Variants in ACVR2B observed in about 807,000 individuals in gnomAD.
The protein encoded by ACVR2B is activin A receptor type 2B.
A neutral mutation model predicts 65.1 loss-of-function variants in ACVR2B; 18 were observed. The observed-to-expected ratio is 0.28, with a 90% CI of 0.19 to 0.41. The LOEUF is 0.41. ACVR2B is among the 10% of genes least tolerant of loss of function. The pLI is 1.00. For missense variants in ACVR2B, 482 were observed against 682.7 expected, an observed-to-expected ratio of 0.71 and a Z score of 3.28; for synonymous variants, 298 against 277.7, an observed-to-expected ratio of 1.07 and a Z score of -0.73.
chr3:38,462,290 C>T (rs150210229), intron 1 of ACVR2B, among the ~76,000 whole-genome samples: 39 of 152,240 alleles, frequency 2.6e-4, no homozygotes, highest in African/African-American at 9.2e-4. Context: ...AAGTATAAAA[C>T]ATATACAGAA....
chr3:38,488,967 A>G lies in ACVR2B; in HGVS notation c.*5635A>G, dbSNP rs1710167613. 1 of 152,234 alleles carries G rather than the reference A, an allele frequency of 6.6e-6. No individual in the cohort carries two copies. The highest frequency in any genetic ancestry group is 2.4e-5 in the African/African-American group (1 of 41,460). 9.4% of individuals were successfully genotyped at this position (152,234 alleles called of 1,614,324 possible). On this transcript the variant is annotated 3_prime_UTR_variant, in exon 11 of 11. Coordinates refer to ENST00000352511, the MANE Select transcript of ACVR2B (RefSeq NM_001106.4). ...GGAAGGGGTTATATAAACCTGGGCT[A>G]TGCTGGACATCTACAGAAGAGTATT...
intron 10 of ACVR2B, 31 bp downstream of exon 10, chr3:38,482,591 G>T (rs142291277): frequency 3.7e-6 from 6 of 1,604,572 alleles, no homozygotes; most frequent in South Asian, 2.2e-5. Flanking sequence ...AACTTTGCAG[G>T]GGGGTGGAGA....
intron 1 of ACVR2B, chr3:38,473,877 G>A (rs1709862394): frequency 6.6e-6 from 1 of 152,424 alleles, no homozygotes; most frequent in Non-Finnish European, 1.5e-5. Context: ...CTGGTCAGAT[G>A]GGGGTCAGGT....
rs2059824196 is a variant in ACVR2B, at chr3:38,492,809, C to T, written c.*9477C>T. 1 of 123,466 alleles carries T rather than the reference C, an allele frequency of 8.1e-6. No homozygotes were observed. Among genetic ancestry groups the T allele is most frequent in the East Asian group, 2.6e-4 (1 of 3,842 alleles). The allele number at this position is 123,466 out of a possible 1,614,324, so 7.6% of individuals were successfully genotyped here. On this transcript the variant is annotated 3_prime_UTR_variant, in exon 11 of 11. Transcript: ENST00000352511. ...ACACACACACACACACACACATACA[C>T]CTAAAATGGCCTAAAGCAGACATCC...
chr3:38,470,998 A>T (rs1157470606), intron 1 of ACVR2B, among the ~76,000 whole-genome samples: 1 of 152,188 alleles, frequency 6.6e-6, no homozygotes, highest in Admixed American at 6.5e-5. Flanking sequence ...TAATTAAAAG[A>T]TGGTGTTAGA....
rs2059815950 is a variant in ACVR2B at position 38,492,268 on chromosome 3, T to C, written c.*8936T>C. 1 of 152,638 alleles carries C rather than the reference T, an allele frequency of 6.6e-6. No individual in the cohort carries two copies. Among genetic ancestry groups the C allele is most frequent in the South Asian group, 2.1e-4 (1 of 4,834 alleles). The allele number at this position is 152,638 out of a possible 1,614,324, so 9.5% of individuals were successfully genotyped here. A position where few individuals can be genotyped will look rare whatever the true frequency, so the allele number is the denominator to read the frequency against. On this transcript the variant is annotated 3_prime_UTR_variant, in exon 11 of 11. Coordinates refer to ENST00000352511, the MANE Select transcript of ACVR2B (RefSeq NM_001106.4). The stretch of plus-strand genomic sequence containing the variant: ...AAACCCTAAGACTTGTCTAACTTAG[T>C]GGAGAATGTGTGTGTTGGGCTTAGG...
chr3:38,455,354 G>T (rs1179479655), intron 1 of ACVR2B, among the ~76,000 whole-genome samples: 2 of 152,148 alleles, frequency 1.3e-5, no homozygotes, highest in Non-Finnish European at 2.9e-5. Context: ...CGGGGCGGCT[G>T]GTACCCGGCC....
In ACVR2B at chr3:38,454,210, C is replaced by T; in HGVS notation, c.-113C>T. ...GCAGGAAGCGCGCAGGGAACGAGAC[C>T]GAAGGAAGGAGCGGGAAGGAGAGCG... On this transcript the variant is annotated 5_prime_UTR_variant, in exon 1 of 11. Coordinates refer to ENST00000352511, the MANE Select transcript of ACVR2B (RefSeq NM_001106.4). 2 of 797,520 alleles carry T rather than the reference C, an allele frequency of 2.5e-6. No homozygotes were observed. The highest frequency in any genetic ancestry group is 4.6e-5 in the South Asian group (1 of 21,872). 49.4% of individuals were successfully genotyped at this position (797,520 alleles called of 1,614,324 possible).
In ACVR2B at chr3:38,483,048, T is replaced by C; in HGVS notation, c.1345-90T>C. 4 of 1,478,704 alleles carry C rather than the reference T, an allele frequency of 2.7e-6. No individual in the cohort carries two copies. The Admixed American group carries it at 5.0e-5, about 19-fold the overall frequency. 91.6% of individuals were successfully genotyped at this position (1,478,704 alleles called of 1,614,324 possible). A position where few individuals can be genotyped will look rare whatever the true frequency, so the allele number is the denominator to read the frequency against. ...GGGCTGGTGGGCTCTGCCTGATCCT[T>C]GGGAATATCAAGTTTACTGTCCCCC... is the stretch of plus-strand genomic sequence containing the variant. On this transcript the variant is annotated intron_variant, in intron 10 of 10. Transcript: ENST00000352511. This position sits in a 1 kb window ranked among gnomAD's most constrained non-coding sequence, Gnocchi z 4.8.
intron 1 of ACVR2B, among the ~76,000 whole-genome samples, chr3:38,469,434 C>T (rs1484443658): frequency 6.6e-6 from 1 of 152,080 alleles, no homozygotes; most frequent in Non-Finnish European, 1.5e-5. Flanking sequence ...TTGTGTTATA[C>T]CTTCAGTAAA....
chr3:38,479,633 C>G (rs748180685), intron 6 of ACVR2B, 45 bp from the exon 7 acceptor site: 6 of 1,611,732 alleles, frequency 3.7e-6, no homozygotes, highest in Admixed American at 1.7e-5. Flanking sequence ...GGGTCCTGTC[C>G]TGTACCCAGA....
In ACVR2B at chr3:38,457,077, G is replaced by T. The variant is rs187509537; in HGVS notation, c.52+2703G>T. On this transcript the variant is annotated intron_variant, in intron 1 of 10. Coordinates refer to ENST00000352511, the MANE Select transcript of ACVR2B (RefSeq NM_001106.4). ...AAATTAGCTGGGTGTGGTGGCACAC[G>T]CCTGTAGTCCCAGCTGCGCCAGAGG... 2.6e-5 allele frequency among the ~76,000 whole-genome samples: 4 copies of T among 152,238 alleles called. No homozygotes were observed. In the East Asian group the frequency reaches 7.7e-4, roughly 29 times the overall value.
At position 38,477,094 on chromosome 3, in the gene ACVR2B, C is replaced by T; in HGVS notation, c.53-193C>T. The T allele has an allele frequency of 1.6e-6, 1 of 628,280 alleles. No individual in the cohort carries two copies. The highest frequency in any genetic ancestry group is 1.9e-5 in the South Asian group (1 of 51,630). The allele number at this position is 628,280 out of a possible 1,614,324, so 38.9% of individuals were successfully genotyped here. A position where few individuals can be genotyped will look rare whatever the true frequency, so the allele number is the denominator to read the frequency against. Reference sequence around the variant, plus strand: ...AGAATGAGGTGGGGGCTGGTGCCAGCTGGCACACGTAAATTAAGAGGTGTG... The same window carrying T: ...AGAATGAGGTGGGGGCTGGTGCCAGTTGGCACACGTAAATTAAGAGGTGTG... On this transcript the variant is annotated intron_variant, in intron 1 of 10. Transcript: ENST00000352511. This position sits in a 1 kb window ranked among gnomAD's most constrained non-coding sequence, Gnocchi z 6.7.
In ACVR2B at chr3:38,454,094, C is replaced by A. The variant is rs1206475704; in HGVS notation, c.-229C>A. The A allele has an allele frequency of 1.9e-5, 3 of 158,000 alleles. No individual in the cohort carries two copies. Among genetic ancestry groups the A allele is most frequent in the African/African-American group, 7.3e-5 (3 of 40,972 alleles). 9.8% of individuals were successfully genotyped at this position (158,000 alleles called of 1,614,324 possible). A position where few individuals can be genotyped will look rare whatever the true frequency, so the allele number is the denominator to read the frequency against. ...CCCCGGCCCCCGCGTCGCCCCGGAG[C>A]CCGGGCCGCAGCCTGCGCCGCCCGC... On this transcript the variant is annotated 5_prime_UTR_variant, in exon 1 of 11. Transcript: ENST00000352511.
intron 7 of ACVR2B, among the ~76,000 whole-genome samples, chr3:38,480,257 A>G (rs6781733): frequency 0.026 from 3,999 of 152,288 alleles, 185 homozygotes; most frequent in African/African-American, 0.089. Flanking sequence ...TATGCTCCTA[A>G]GAGAATGAGC....
chr3:38,472,091 T>C (rs1222030476), intron 1 of ACVR2B, among the ~76,000 whole-genome samples: 1 of 152,204 alleles, frequency 6.6e-6, no homozygotes, highest in African/African-American at 2.4e-5. Flanking sequence ...CGTGTGTGCA[T>C]GTGTCAGTGT....
intron 1 of ACVR2B, among the ~76,000 whole-genome samples, chr3:38,467,797 G>C (rs1356476169): frequency 6.6e-6 from 1 of 151,740 alleles, no homozygotes; most frequent in Non-Finnish European, 1.5e-5. Flanking sequence ...TTCTTCAGTT[G>C]AGAAGAAAGC....
At chr3:38,461,986 A>C (rs1709655407) in intron 1 of ACVR2B, among the ~76,000 whole-genome samples, 1 of 152,148 alleles carries the variant, frequency 6.6e-6, no homozygotes, top group Non-Finnish European at 1.5e-5. Context: ...TGAGGTCAGG[A>C]GTTCAAGACC....
At chr3:38,474,878 C>G (rs762318) in intron 1 of ACVR2B, 2 of 152,026 alleles carry the variant, frequency 1.3e-5, no homozygotes, top group African/African-American at 4.8e-5. Context: ...GTGGTAACTT[C>G]CGACTTACGC....
Sources: allele counts gnomAD v4.1 joint callset (sites outside exome capture counted in the v4.1 genomes callset), GRCh38; gene constraint gnomAD v4.1.1; non-coding constraint Gnocchi (gnomAD v3.1); transcripts MANE v1.5; gene names NCBI Gene and HGNC (gene_info 2026-07-23, HGNC 2026-07-21).